MTHFD1L: variants seen among roughly 807,000 people sequenced by gnomAD.
MTHFD1L encodes monofunctional C1-tetrahydrofolate synthase, mitochondrial.
MTHFD1L carries 81 observed loss-of-function variants against 119.5 expected under a neutral mutation model. The observed-to-expected ratio is 0.68, with a 90% CI of 0.57 to 0.82. The LOEUF (loss-of-function observed/expected upper bound fraction) is 0.82, where lower values mean the gene tolerates loss of function less well. MTHFD1L is among the 40% of genes least tolerant of loss of function. The pLI is 0.00. For synonymous variants in MTHFD1L, 430 were observed against 475.2 expected (o/e 0.90, Z 1.24); for missense variants, 1,125 against 1,253.4 (o/e 0.90, Z 1.55).
At chr6:151,055,181 G>A (rs990401148) in intron 26 of MTHFD1L, among the ~76,000 whole-genome samples, 1 of 152,046 alleles carries the variant, frequency 6.6e-6, no homozygotes, top group African/African-American at 2.4e-5. Flanking sequence ...CAGAAGAATC[G>A]CTTAAACCCA....
intron 26 of MTHFD1L, among the ~76,000 whole-genome samples, chr6:151,067,503 T>C (rs1449125185): frequency 6.6e-6 from 1 of 152,020 alleles, no homozygotes; most frequent in South Asian, 2.1e-4. Flanking sequence ...TTTGTATTTT[T>C]AGTAGAGACC....
chr6:150,937,511 A>G (rs1419168036), intron 12 of MTHFD1L, among the ~76,000 whole-genome samples: 3 of 152,174 alleles, frequency 2.0e-5, no homozygotes. Context: ...TATTGCTGCA[A>G]TTACAGTTTG....
chr6:151,088,549 C>T (rs866924701), intron 26 of MTHFD1L, among the ~76,000 whole-genome samples: 2 of 152,082 alleles, frequency 1.3e-5, no homozygotes, highest in East Asian at 1.9e-4. Flanking sequence ...CTCTGCCTCC[C>T]GAGTTCAAAC....
Position 150,920,957 on chromosome 6 carries a change from T to G in MTHFD1L, c.985-1248T>G, listed in dbSNP as rs1055997962. ...CCAGATAATTTTTTTTTTTTTTTTT[T>G]TTTTTTTTTTTGAGACAGAGTTTAG... On this transcript the variant is annotated intron_variant, in intron 9 of 27. Transcript: ENST00000367321. Among the ~76,000 whole-genome samples the G allele has an allele frequency of 1.1e-4, 15 of 138,176 alleles. 1 individual carries two copies. The highest frequency in any genetic ancestry group is 4.1e-4 in the African/African-American group (15 of 36,704). 90.6% of individuals were successfully genotyped at this position (138,176 alleles called of 152,430 possible). A position where few individuals can be genotyped will look rare whatever the true frequency, so the allele number is the denominator to read the frequency against.
chr6:151,027,619 A>C (rs1322742700), intron 24 of MTHFD1L, among the ~76,000 whole-genome samples: 5 of 151,142 alleles, frequency 3.3e-5, no homozygotes, highest in African/African-American at 1.2e-4. Context: ...AGACCTTTGG[A>C]CTGAGCTTGG....
chr6:150,943,734 A>T (rs1224551486), intron 13 of MTHFD1L, among the ~76,000 whole-genome samples: 103 of 152,234 alleles, frequency 6.8e-4, no homozygotes, highest in Non-Finnish European at 1.5e-5. Flanking sequence ...TGAAAAACGA[A>T]ACTTGGAAGT....
chr6:151,089,405 C>CA (rs1279038877), intron 26 of MTHFD1L, among the ~76,000 whole-genome samples: 1 of 152,154 alleles, frequency 6.6e-6, no homozygotes, highest in Non-Finnish European at 1.5e-5. Flanking sequence ...AGTTTGAGAC[C>CA]AGCCTAGCCA....
chr6:150,983,001 A>G (rs1777762512), intron 20 of MTHFD1L, among the ~76,000 whole-genome samples: 1 of 152,166 alleles, frequency 6.6e-6, no homozygotes, highest in Non-Finnish European at 1.5e-5. Context: ...TGACCGGCTG[A>G]ACGCTTCTAT....
At chr6:150,925,723 C>T (rs1032010342) in intron 10 of MTHFD1L, among the ~76,000 whole-genome samples, 16 of 152,048 alleles carry the variant, frequency 1.1e-4, no homozygotes, top group South Asian at 2.1e-4. Flanking sequence ...GTGGCCAGCC[C>T]GATCGGAGAT....
intron 27 of MTHFD1L, chr6:151,099,422 A>G: frequency 1.3e-6 from 1 of 777,600 alleles, no homozygotes; most frequent in Non-Finnish European, 2.2e-6. Flanking sequence ...GAGCCACTAC[A>G]GTGAGGCTGG....
rs114541280 is a variant in MTHFD1L, at chr6:150,937,524, C to T, written c.1393+584C>T. On this transcript the variant is annotated intron_variant, in intron 12 of 27. Coordinates refer to ENST00000367321, the MANE Select transcript of MTHFD1L (RefSeq NM_015440.5). ...GTTATTGCTGCAATTACAGTTTGTCCTTGGCACTTCGTGATTTTTTAAGAA... is the reference window on the plus strand; with the variant it reads ...GTTATTGCTGCAATTACAGTTTGTCTTTGGCACTTCGTGATTTTTTAAGAA... Among the ~76,000 whole-genome samples the T allele has an allele frequency of 3.6e-3, 553 of 152,324 alleles. 3 individuals carry two copies. Among genetic ancestry groups the T allele is most frequent in the African/African-American group, 0.013 (532 of 41,562 alleles).
chr6:150,880,152 G>A (rs1472964467), intron 4 of MTHFD1L, among the ~76,000 whole-genome samples: 1 of 152,100 alleles, frequency 6.6e-6, no homozygotes, highest in African/African-American at 2.4e-5. Flanking sequence ...ACAATACATT[G>A]TCATTAGCTT....
intron 27 of MTHFD1L, among the ~76,000 whole-genome samples, chr6:151,093,048 G>T (rs968229102): frequency 6.6e-6 from 1 of 152,206 alleles, no homozygotes; most frequent in Non-Finnish European, 1.5e-5. Flanking sequence ...CCATGACAAA[G>T]TATCGCAAAC....
intron 26 of MTHFD1L, among the ~76,000 whole-genome samples, chr6:151,078,644 G>T (rs149419495): frequency 1.3e-5 from 2 of 152,124 alleles, no homozygotes; most frequent in Non-Finnish European, 2.9e-5. Context: ...AGGTCCCAGA[G>T]GCCATGTGGG....
chr6:150,963,301 G>A (rs2129003535), intron 18 of MTHFD1L, among the ~76,000 whole-genome samples: 1 of 152,250 alleles, frequency 6.6e-6, no homozygotes, highest in Admixed American at 6.5e-5. Context: ...ATACACTGAG[G>A]TAGATTCCAG....
intron 26 of MTHFD1L, among the ~76,000 whole-genome samples, chr6:151,085,143 T>C (rs1046508763): frequency 1.3e-5 from 2 of 151,646 alleles, no homozygotes; most frequent in Non-Finnish European, 2.9e-5. Flanking sequence ...AGAGGTTACC[T>C]CTGGAAGCAG....
chr6:150,873,463 A>C (rs1779885553), intron 1 of MTHFD1L, among the ~76,000 whole-genome samples: 2 of 139,600 alleles, frequency 1.4e-5, no homozygotes. Context: ...CATTTATAAG[A>C]AAAAGGGGAA....
chr6:150,969,493 A>G (rs1797723104), intron 19 of MTHFD1L, among the ~76,000 whole-genome samples: 1 of 147,064 alleles, frequency 6.8e-6, no homozygotes, highest in African/African-American at 2.6e-5. Flanking sequence ...GAGACATAAA[A>G]TAGACTGAGA....
chr6:150,999,762 G>A (rs76322564), intron 20 of MTHFD1L, among the ~76,000 whole-genome samples: 1,638 of 152,120 alleles, frequency 0.011, 30 homozygotes, highest in African/African-American at 0.038. Context: ...AATGTAAACC[G>A]GTGTCTGTAA....
Sources: allele counts gnomAD v4.1 joint callset (sites outside exome capture counted in the v4.1 genomes callset), GRCh38; gene constraint gnomAD v4.1.1; transcripts MANE v1.5; gene names NCBI Gene and HGNC (gene_info 2026-07-23, HGNC 2026-07-21).